ANKS1A: variants seen among roughly 807,000 people sequenced by gnomAD.
The protein encoded by ANKS1A is ankyrin repeat and sterile alpha motif domain containing 1A.
In ANKS1A, 55 loss-of-function variants were observed where a neutral mutation model predicts 120.3. The ratio of observed to expected loss-of-function variants is 0.46; its 90% CI spans 0.37 to 0.57. ANKS1A has a LOEUF of 0.57. Among genes scored for constraint, ANKS1A ranks in the 20% least tolerant of loss-of-function variants. The pLI is 0.00. For synonymous variants in ANKS1A, 590 were observed against 604.7 expected (o/e 0.98, Z 0.36); for missense variants, 1,123 against 1,480.3 (o/e 0.76, Z 3.96).
At chr6:35,096,621 C>T in the ANKS1A span, among the ~76,000 whole-genome samples, 2 of 152,202 alleles carry the variant, frequency 1.3e-5, no homozygotes, top group Admixed American at 1.3e-4. Flanking sequence ...AAATGGCAGA[C>T]ACTAGTGGAT....
At chr6:34,922,488 A>C (rs548163924) in intron 1 of ANKS1A, among the ~76,000 whole-genome samples, 10 of 152,072 alleles carry the variant, frequency 6.6e-5, no homozygotes, top group Admixed American at 2.6e-4. Context: ...CAATGAGCAC[A>C]CCTGGCTTTG....
rs1290225644 is a variant in ANKS1A, at chr6:34,981,950, G to A, written c.696G>A (p.Gln232=). Residue 232 remains glutamine, a synonymous_variant, in exon 4 of 24, where the codon CAG becomes CAA. Transcript: ENST00000360359. ...GGAATGGCCACAAAGCCGTGGTCCA[G>A]GTCCTCCTCGATGCTGGCATGGACA... ...AARNGHKAVV[Q]VLLDAGMDSN... 3 of 1,614,170 alleles carry A rather than the reference G, an allele frequency of 1.9e-6. No homozygotes were observed. Among genetic ancestry groups the A allele is most frequent in the Non-Finnish European group, 1.7e-6 (2 of 1,180,026 alleles).
At chr6:35,005,674 T>C (rs538723638) in intron 10 of ANKS1A, 1 of 435,980 alleles carries the variant, frequency 2.3e-6, no homozygotes, top group South Asian at 1.7e-5. Context: ...GACTTGATCA[T>C]TAAAATGAAT....
At position 35,044,606 on chromosome 6, in the gene ANKS1A, C is replaced by T. The variant is rs1467485584; in HGVS notation, c.2011-9493C>T. 6.6e-6 allele frequency among the ~76,000 whole-genome samples: 1 copy of T among 152,210 alleles called. No individual in the cohort carries two copies. Among genetic ancestry groups the T allele is most frequent in the Non-Finnish European group, 1.5e-5 (1 of 68,042 alleles). On this transcript the variant is annotated intron_variant, in intron 11 of 23. Transcript: ENST00000360359. This position sits in a 1 kb window ranked among gnomAD's most constrained non-coding sequence, Gnocchi z 4.4. Reference sequence around the variant, plus strand: ...CTGCCTTGTAGAAAGGCGTCACTCCCTCACATAAAACGTTTTGTCCTGAAT... The same window carrying T: ...CTGCCTTGTAGAAAGGCGTCACTCCTTCACATAAAACGTTTTGTCCTGAAT...
intron 11 of ANKS1A, among the ~76,000 whole-genome samples, chr6:35,036,826 G>A (rs868754830): frequency 2.6e-5 from 4 of 152,188 alleles, no homozygotes; most frequent in Non-Finnish European, 4.4e-5. Context: ...AGCATCACCC[G>A]TCCCTAGGAA....
At position 35,074,028 on chromosome 6, in the gene ANKS1A, T is replaced by C. The variant is rs554669285; in HGVS notation, c.2185-4530T>C. On this transcript the variant is annotated intron_variant, in intron 13 of 23. Coordinates refer to ENST00000360359, the MANE Select transcript of ANKS1A (RefSeq NM_015245.3). The stretch of plus-strand genomic sequence containing the variant: ...TTTCCTTTATTTTTGTGTGTTTCCA[T>C]TCATCTCTTGTTCCTCAAAGCTGCA... 3.9e-5 allele frequency among the ~76,000 whole-genome samples: 6 copies of C among 152,388 alleles called. No individual in the cohort carries two copies. The East Asian group carries it at 5.8e-4, about 15-fold the overall frequency.
intron 1 of ANKS1A, among the ~76,000 whole-genome samples, chr6:34,899,270 C>T (rs1469078961): frequency 6.6e-6 from 1 of 152,096 alleles, no homozygotes; most frequent in Non-Finnish European, 1.5e-5. Context: ...TTTACTGGTT[C>T]TTTTTCATAG....
At chr6:35,015,477 C>A (rs889736207) in intron 10 of ANKS1A, among the ~76,000 whole-genome samples, 6 of 151,792 alleles carry the variant, frequency 4.0e-5, no homozygotes, top group Non-Finnish European at 8.8e-5. Flanking sequence ...CCAGCCTGGG[C>A]AACAGAGCAA....
chr6:34,904,904 A>G (rs1344848642), intron 1 of ANKS1A, among the ~76,000 whole-genome samples: 1 of 151,800 alleles, frequency 6.6e-6, no homozygotes, highest in Non-Finnish European at 1.5e-5. Flanking sequence ...TTCGCTTCTC[A>G]GGTTCAAGTG....
chr6:35,017,089 C>T (rs747193806), intron 10 of ANKS1A, among the ~76,000 whole-genome samples: 1 of 152,116 alleles, frequency 6.6e-6, no homozygotes, highest in Non-Finnish European at 1.5e-5. Context: ...CTTACTTTTG[C>T]TTCATGTTCA....
chr6:35,051,545 G>C (rs1328300700), intron 11 of ANKS1A, among the ~76,000 whole-genome samples: 2 of 152,176 alleles, frequency 1.3e-5, no homozygotes, highest in Non-Finnish European at 2.9e-5. Context: ...TTCCAGTGCA[G>C]ACTCTAAAGA....
intron 2 of ANKS1A, among the ~76,000 whole-genome samples, chr6:34,969,675 C>T (rs995076142): frequency 3.3e-5 from 5 of 152,178 alleles, no homozygotes; most frequent in African/African-American, 9.7e-5. Context: ...AAATTCAACA[C>T]TTGAATGCTG....
intron 10 of ANKS1A, chr6:35,005,728 G>A: frequency 6.7e-6 from 3 of 450,964 alleles, no homozygotes; most frequent in East Asian, 1.4e-4. Context: ...TCAAGAAAGA[G>A]GAAAAAACCG....
chr6:34,979,589 T>C (rs1771793145), intron 3 of ANKS1A, among the ~76,000 whole-genome samples: 1 of 152,122 alleles, frequency 6.6e-6, no homozygotes, highest in South Asian at 2.1e-4. Flanking sequence ...TTTTTTTGTT[T>C]TTTTGGTTTT....
chr6:34,970,254 C>A, intron 3 of ANKS1A, 88 bp downstream of exon 3: 1 of 1,401,438 alleles, frequency 7.1e-7, no homozygotes. Context: ...TAGTTCAAAT[C>A]TCAGAGAACC....
intron 18 of ANKS1A, 130 bp from the exon 19 acceptor site, chr6:35,083,025 T>G: frequency 1.5e-6 from 2 of 1,291,266 alleles, no homozygotes; most frequent in Non-Finnish European, 2.2e-6. Flanking sequence ...TCTCTCCAGC[T>G]GGGGCAGGAG....
chr6:35,030,316 C>CT (rs1561925366), intron 11 of ANKS1A, among the ~76,000 whole-genome samples: 1 of 152,092 alleles, frequency 6.6e-6, no homozygotes, highest in Non-Finnish European at 1.5e-5. Flanking sequence ...CATGTGTTTC[C>CT]TTTTTTACCG....
chr6:34,933,699 C>G (rs1169137681), intron 1 of ANKS1A, among the ~76,000 whole-genome samples: 1 of 152,192 alleles, frequency 6.6e-6, no homozygotes, highest in Non-Finnish European at 1.5e-5. Context: ...GAAGCAACTG[C>G]CCTTCCTTCA....
intron 1 of ANKS1A, among the ~76,000 whole-genome samples, chr6:34,912,357 T>C (rs2127458185): frequency 6.6e-6 from 1 of 152,316 alleles, no homozygotes; most frequent in South Asian, 2.1e-4. Context: ...TACCTTATGT[T>C]AAAAAACCAA....
Sources: gnomAD v4.1 joint callset for allele counts (sites outside exome capture counted in the v4.1 genomes callset) on GRCh38, gnomAD v4.1.1 for gene constraint, Gnocchi (gnomAD v3.1) non-coding constraint, MANE v1.5 for transcripts, NCBI Gene and HGNC (gene_info 2026-07-23, HGNC 2026-07-21) for gene names.